Variants in SLC4A7 observed in about 807,000 individuals in gnomAD.
SLC4A7 encodes solute carrier family 4 member 7.
Under a neutral mutation model 137.6 loss-of-function variants are expected in SLC4A7, and 51 were observed. That is an observed-to-expected ratio of 0.37 (90% CI 0.30 to 0.47). The LOEUF (loss-of-function observed/expected upper bound fraction) is 0.47, where lower values mean the gene tolerates loss of function less well. Ranked by LOEUF, SLC4A7 falls within the 20% of genes least tolerant of loss-of-function variation. SLC4A7 has a pLI of 1.00. For missense variants in SLC4A7, 1,247 were observed against 1,525.4 expected, an observed-to-expected ratio of 0.82 and a Z score of 3.04; for synonymous variants, 542 against 518.6, an observed-to-expected ratio of 1.05 and a Z score of -0.61.
chr3:27,400,732 T>C (rs1247366275), intron 16 of SLC4A7, 32 bp downstream of exon 16: 10 of 1,306,912 alleles, frequency 7.7e-6, no homozygotes, highest in East Asian at 2.3e-5. Context: ...TCAATATCTA[T>C]TACAAAACCC....
intron 1 of SLC4A7, among the ~76,000 whole-genome samples, chr3:27,460,751 G>A (rs944763776): frequency 6.6e-6 from 1 of 152,124 alleles, no homozygotes; most frequent in Non-Finnish European, 1.5e-5. Context: ...CATTTTACTC[G>A]ATACGTATTT....
Position 27,385,918 on chromosome 3 carries a change from CTTCT to C in SLC4A7, c.3462_3465del (p.Glu1155MetfsTer39). 6.4e-7 allele frequency: 1 copy of C among 1,569,148 alleles called. No individual in the cohort carries two copies. The highest frequency in any genetic ancestry group is 1.1e-5 in the South Asian group (1 of 87,940). On this transcript the variant is annotated frameshift_variant, in exon 23 of 26. Transcript: ENST00000454389. LOFTEE classifies it high-confidence loss of function. ...TCTTTCTCTTTTTTCTTTTTGTCAT[CTTCT>C]TTCTTTTTCTTACTTTCTGGCATAA...
intron 1 of SLC4A7, among the ~76,000 whole-genome samples, chr3:27,467,053 C>T (rs1449218513): frequency 6.6e-6 from 1 of 152,112 alleles, no homozygotes; most frequent in African/African-American, 2.4e-5. Context: ...AAGTATTACT[C>T]TCCCAAATAT....
chr3:27,416,353 C>T (rs2054385178), intron 11 of SLC4A7, among the ~76,000 whole-genome samples: 2 of 152,134 alleles, frequency 1.3e-5, no homozygotes, highest in Admixed American at 6.6e-5. Flanking sequence ...TTTAATACTG[C>T]ATCTTTACTT....
chr3:27,376,864 TAAAA>T lies in SLC4A7; in HGVS notation c.3699-23_3699-20del. 1 of 1,258,614 alleles carries T rather than the reference TAAAA, an allele frequency of 7.9e-7. No homozygotes were observed. 78.0% of individuals were successfully genotyped at this position (1,258,614 alleles called of 1,614,324 possible). ...ATCAGGACTATTTAAAACAAAGAAT[TAAAA>T]TAAATAATTTTAAAATATAAATATT... On this transcript the variant is annotated intron_variant, in intron 25 of 25. Coordinates refer to ENST00000454389, the MANE Select transcript of SLC4A7 (RefSeq NM_001321103.2).
At chr3:27,476,114 A>T (rs1478679371) in intron 1 of SLC4A7, among the ~76,000 whole-genome samples, 1 of 152,248 alleles carries the variant, frequency 6.6e-6, no homozygotes, top group Non-Finnish European at 1.5e-5. Context: ...TGCTTTTCAT[A>T]AAGCAAAATT....
At position 27,403,227 on chromosome 3, in the gene SLC4A7, T is replaced by A; in HGVS notation, c.2233A>T (p.Ile745Phe). ...AFAALICIIF[I>F]YEALEKLFDL... Reference sequence around the variant, plus strand: ...AAGAGCTTCTCCAAAGCCTCGTAGATGAATATGATGCAAATAAGGGCTGCA... The same window carrying A: ...AAGAGCTTCTCCAAAGCCTCGTAGAAGAATATGATGCAAATAAGGGCTGCA... The change falls in exon 15 of 26, where the codon ATC becomes TTC. Residue 745 changes from isoleucine to phenylalanine, a missense_variant. Coordinates refer to ENST00000454389, the MANE Select transcript of SLC4A7 (RefSeq NM_001321103.2). 1 of 1,614,006 alleles carries A rather than the reference T, an allele frequency of 6.2e-7. No homozygotes were observed. The highest frequency in any genetic ancestry group is 1.1e-5 in the South Asian group (1 of 91,072).
chr3:27,389,424 C>A (rs1047281480), intron 22 of SLC4A7, among the ~76,000 whole-genome samples: 3 of 151,934 alleles, frequency 2.0e-5, no homozygotes, highest in Non-Finnish European at 4.4e-5. Context: ...TGGCCATGTA[C>A]AAAACCAATT....
chr3:27,420,012 C>A (rs1003647906), intron 10 of SLC4A7, among the ~76,000 whole-genome samples: 53 of 151,994 alleles, frequency 3.5e-4, no homozygotes, highest in African/African-American at 1.3e-3. Flanking sequence ...CACGGTGAAA[C>A]CCCGTCTCTA....
chr3:27,394,088 G>C (rs770800094), intron 20 of SLC4A7, among the ~76,000 whole-genome samples: 1 of 152,012 alleles, frequency 6.6e-6, no homozygotes, highest in Non-Finnish European at 1.5e-5. Context: ...GCCCAATCAC[G>C]GCTCACTGCA....
rs558192916 is a variant in SLC4A7 at position 27,429,966 on chromosome 3, A to G, written c.1150+1332T>C. On this transcript the variant is annotated intron_variant, in intron 7 of 25. Coordinates refer to ENST00000454389, the MANE Select transcript of SLC4A7 (RefSeq NM_001321103.2). ...CCTGGTGACTCACACCTATAATCCC[A>G]GCATTTTGGGAGGCTACGGCAGGAG... Among the ~76,000 whole-genome samples, 3 of 152,310 alleles carry G rather than the reference A, an allele frequency of 2.0e-5. No homozygotes were observed. In the East Asian group the frequency reaches 5.8e-4, roughly 29 times the overall value.
At chr3:27,402,152 T>G (rs1335449209) in intron 15 of SLC4A7, among the ~76,000 whole-genome samples, 1 of 152,170 alleles carries the variant, frequency 6.6e-6, no homozygotes, top group East Asian at 1.9e-4. Flanking sequence ...TCCCTGTAAA[T>G]CAATCAAATG....
intron 17 of SLC4A7, 86 bp from the exon 18 acceptor site, chr3:27,397,883 T>C (rs763775254): frequency 2.8e-5 from 22 of 773,086 alleles, no homozygotes; most frequent in Admixed American, 1.5e-4. Context: ...GATAAAATTG[T>C]CACTACAACG....
At chr3:27,481,918 C>G (rs1420802044) in intron 1 of SLC4A7, among the ~76,000 whole-genome samples, 1 of 152,070 alleles carries the variant, frequency 6.6e-6, no homozygotes, top group Admixed American at 6.6e-5. Context: ...GGTGGATCAC[C>G]TGAGGTCAGG....
rs188313822 is a variant in SLC4A7 at position 27,427,336 on chromosome 3, C to G, written c.1151-3184G>C. 2.2e-3 allele frequency among the ~76,000 whole-genome samples: 327 copies of G among 151,232 alleles called. 3 individuals carry two copies. The highest frequency in any genetic ancestry group is 7.5e-3 in the African/African-American group (311 of 41,222). On this transcript the variant is annotated intron_variant, in intron 7 of 25. Coordinates refer to ENST00000454389, the MANE Select transcript of SLC4A7 (RefSeq NM_001321103.2). The stretch of plus-strand genomic sequence containing the variant: ...TCACTTCTTTTTTTTTTTTTACTTT[C>G]CCTAGAGATGAGGGTCTCACTATGA...
In SLC4A7 at chr3:27,397,173, G is replaced by A. The variant is rs1972019; in HGVS notation, c.2703+511C>T. On this transcript the variant is annotated intron_variant, in intron 18 of 25. Coordinates refer to ENST00000454389, the MANE Select transcript of SLC4A7 (RefSeq NM_001321103.2). ...CCTCCCGAGTAGCGGGATTACAGGC[G>A]CCCGCCACCACGCCTGGCTAATTTT... Among the ~76,000 whole-genome samples the A allele has an allele frequency of 3.4e-3, 520 of 152,122 alleles. 5 individuals are homozygous for A. Among genetic ancestry groups the A allele is most frequent in the African/African-American group, 0.012 (497 of 41,520 alleles).
At chr3:27,379,136 A>G in intron 25 of SLC4A7, 113 bp downstream of exon 25, 1 of 624,676 alleles carries the variant, frequency 1.6e-6, no homozygotes, top group South Asian at 2.0e-5. Flanking sequence ...TATTATTTAT[A>G]CCTTATTCCA....
At chr3:27,432,463 A>C (rs1219081524) in intron 6 of SLC4A7, among the ~76,000 whole-genome samples, 1 of 152,226 alleles carries the variant, frequency 6.6e-6, no homozygotes, top group Non-Finnish European at 1.5e-5. Flanking sequence ...AGTAGGTCTA[A>C]AATATTTCAA....
intron 1 of SLC4A7, among the ~76,000 whole-genome samples, chr3:27,471,125 A>AAT (rs2059228544): frequency 6.6e-6 from 1 of 152,220 alleles, no homozygotes; most frequent in South Asian, 2.1e-4. Context: ...TTCACAAAAC[A>AAT]ATATATGCCC....
Sources: gnomAD v4.1 joint callset for allele counts (sites outside exome capture counted in the v4.1 genomes callset) on GRCh38, gnomAD v4.1.1 for gene constraint, MANE v1.5 for transcripts, NCBI Gene and HGNC (gene_info 2026-07-23, HGNC 2026-07-21) for gene names.